NRXN3: variants seen among roughly 807,000 people sequenced by gnomAD.
NRXN3 encodes neurexin III.
In NRXN3, 32 loss-of-function variants were observed where a neutral mutation model predicts 137.6. The observed-to-expected ratio is 0.23, with a 90% CI of 0.18 to 0.31. The LOEUF (loss-of-function observed/expected upper bound fraction) is 0.31, where lower values mean the gene tolerates loss of function less well. Among genes scored for constraint, NRXN3 ranks in the 10% least tolerant of loss-of-function variants. NRXN3 has a pLI of 1.00. For synonymous variants in NRXN3, 798 were observed against 784.5 expected (o/e 1.02, Z -0.29); for missense variants, 1,574 against 2,062.5 (o/e 0.76, Z 4.59).
intron 15 of NRXN3, among the ~76,000 whole-genome samples, chr14:79,319,206 T>C (rs1348588858): frequency 6.6e-6 from 1 of 152,212 alleles, no homozygotes; most frequent in Non-Finnish European, 1.5e-5. Flanking sequence ...TCCCAGACTT[T>C]CAAATTTTAC....
intron 20 of NRXN3, among the ~76,000 whole-genome samples, chr14:79,847,992 T>C (rs1206262100): frequency 6.6e-6 from 1 of 152,114 alleles, no homozygotes; most frequent in Non-Finnish European, 1.5e-5. Context: ...AGGCTAAATC[T>C]TTATGCTTAT....
intron 16 of NRXN3, among the ~76,000 whole-genome samples, chr14:79,474,439 T>C (rs546082213): frequency 6.6e-6 from 1 of 152,216 alleles, no homozygotes; most frequent in East Asian, 1.9e-4. Flanking sequence ...CAAAATTTTT[T>C]AATTTCTGTT....
intron 16 of NRXN3, among the ~76,000 whole-genome samples, chr14:79,512,306 G>A (rs900199176): frequency 1.3e-5 from 2 of 152,114 alleles, no homozygotes; most frequent in African/African-American, 4.8e-5. Flanking sequence ...GCCTCATCTT[G>A]GGGAAAATTT....
chr14:79,198,297 T>C lies in NRXN3; in HGVS notation c.3262+210156T>C, dbSNP rs190231895. ...AATGTAGATTTAAAACATTCTGAAGTTGGCTGTTTTCCCTTGATCAATTCT... is the reference window on the plus strand; with the variant it reads ...AATGTAGATTTAAAACATTCTGAAGCTGGCTGTTTTCCCTTGATCAATTCT... On this transcript the variant is annotated intron_variant, in intron 15 of 20. Transcript: ENST00000335750. Among the ~76,000 whole-genome samples, 7 of 152,332 alleles carry C rather than the reference T, an allele frequency of 4.6e-5. No individual in the cohort carries two copies. The East Asian group carries it at 1.4e-3, about 29-fold the overall frequency.
Position 79,037,765 on chromosome 14 carries a change from G to A in NRXN3, c.3262+49624G>A, listed in dbSNP as rs548198230. ...TGGGCGTAAATTCAGTCCGCCTGACGGGAGATGAAGGGTTGTGGGATTTAT... is the reference window on the plus strand; with the variant it reads ...TGGGCGTAAATTCAGTCCGCCTGACAGGAGATGAAGGGTTGTGGGATTTAT... On this transcript the variant is annotated intron_variant, in intron 15 of 20. Coordinates refer to ENST00000335750, the MANE Select transcript of NRXN3 (RefSeq NM_001330195.2). 9.2e-5 allele frequency among the ~76,000 whole-genome samples: 14 copies of A among 152,194 alleles called. No individual in the cohort carries two copies. In the East Asian group the frequency reaches 1.9e-3, roughly 21 times the overall value.
chr14:79,832,775 A>G (rs888654425), intron 20 of NRXN3, among the ~76,000 whole-genome samples: 3 of 152,192 alleles, frequency 2.0e-5, no homozygotes, highest in Non-Finnish European at 4.4e-5. Flanking sequence ...AAAAAAACAT[A>G]AATTGCCCTT....
At chr14:79,747,881 C>A (rs2098984396) in intron 19 of NRXN3, among the ~76,000 whole-genome samples, 1 of 152,230 alleles carries the variant, frequency 6.6e-6, no homozygotes, top group South Asian at 2.1e-4. Context: ...TACTGAAACT[C>A]TGTCTTAGTT....
chr14:79,006,334 A>C (rs1024501105), intron 15 of NRXN3, among the ~76,000 whole-genome samples: 1 of 139,526 alleles, frequency 7.2e-6, no homozygotes, highest in Non-Finnish European at 1.5e-5. Context: ...GGCAAAAAAC[A>C]AACAAACAAA....
chr14:79,056,584 G>GTT (rs1300876936), intron 15 of NRXN3, among the ~76,000 whole-genome samples: 5 of 152,166 alleles, frequency 3.3e-5, no homozygotes, highest in Admixed American at 1.3e-4. Context: ...TAGCTGAAGG[G>GTT]ATAATTAGAG....
chr14:79,777,637 T>A (rs1158294949), intron 19 of NRXN3, among the ~76,000 whole-genome samples: 2 of 152,088 alleles, frequency 1.3e-5, no homozygotes, highest in African/African-American at 4.8e-5. Flanking sequence ...CTATTTCTTA[T>A]TTTGAAGGTT....
intron 6 of NRXN3, among the ~76,000 whole-genome samples, chr14:78,694,279 A>T (rs1173993637): frequency 6.6e-6 from 1 of 152,054 alleles, no homozygotes; most frequent in African/African-American, 2.4e-5. Context: ...GACACTCAAT[A>T]AATATATGAG....
At position 79,128,680 on chromosome 14, in the gene NRXN3, T is replaced by C. The variant is rs183209207; in HGVS notation, c.3262+140539T>C. On this transcript the variant is annotated intron_variant, in intron 15 of 20. Coordinates refer to ENST00000335750, the MANE Select transcript of NRXN3 (RefSeq NM_001330195.2). ...CTGCTGGGCTTTGGTATCAGGATGA[T>C]GCTGGCCTCATAAAATGAGTTAGGG... Among the ~76,000 whole-genome samples, 21 of 152,312 alleles carry C rather than the reference T, an allele frequency of 1.4e-4. No individual in the cohort carries two copies. In the East Asian group the frequency reaches 1.9e-3, roughly 14 times the overall value.
chr14:78,851,410 C>T (rs2099042187), intron 10 of NRXN3, among the ~76,000 whole-genome samples: 1 of 152,190 alleles, frequency 6.6e-6, no homozygotes, highest in Admixed American at 6.5e-5. Context: ...GACAGCACTG[C>T]CTGAGTGCAT....
chr14:78,536,010 T>C (rs2096532211), intron 4 of NRXN3, among the ~76,000 whole-genome samples: 1 of 152,140 alleles, frequency 6.6e-6, no homozygotes, highest in African/African-American at 2.4e-5. Context: ...ATCAGACTCA[T>C]GATTCCTAAT....
intron 20 of NRXN3, among the ~76,000 whole-genome samples, chr14:79,823,740 A>C (rs191027681): frequency 1.2e-4 from 18 of 152,294 alleles, no homozygotes; most frequent in African/African-American, 4.3e-4. Context: ...CCAGACCCGT[A>C]ATTTTTTAAA....
chr14:78,282,858 A>C (rs2074603039), intron 3 of NRXN3, among the ~76,000 whole-genome samples: 1 of 152,212 alleles, frequency 6.6e-6, no homozygotes, highest in African/African-American at 2.4e-5. Flanking sequence ...GTTTGTGGAC[A>C]CAGAGGGGAT....
At chr14:79,604,925 A>G (rs2097983729) in intron 16 of NRXN3, among the ~76,000 whole-genome samples, 1 of 151,976 alleles carries the variant, frequency 6.6e-6, no homozygotes, top group African/African-American at 2.4e-5. Context: ...CCAGCTACTC[A>G]AGAGGCTGAG....
At chr14:78,929,001 T>C (rs566761362) in intron 10 of NRXN3, among the ~76,000 whole-genome samples, 1 of 152,344 alleles carries the variant, frequency 6.6e-6, no homozygotes, top group South Asian at 2.1e-4. Flanking sequence ...CTAACTGGTA[T>C]GAGATGGTAT....
At chr14:79,342,787 G>T (rs1186913126) in intron 15 of NRXN3, among the ~76,000 whole-genome samples, 1 of 152,082 alleles carries the variant, frequency 6.6e-6, no homozygotes, top group African/African-American at 2.4e-5. Context: ...CCGCCCAATG[G>T]GTTCACCTTG....
Sources: gnomAD v4.1 joint callset for allele counts (sites outside exome capture counted in the v4.1 genomes callset) on GRCh38, gnomAD v4.1.1 for gene constraint, MANE v1.5 for transcripts, NCBI Gene and HGNC (gene_info 2026-07-23, HGNC 2026-07-21) for gene names.